Variants in EYA2 observed in about 807,000 individuals in gnomAD.
EYA2 encodes EYA transcriptional coactivator and phosphatase 2.
Under a neutral mutation model 69.2 loss-of-function variants are expected in EYA2, and 31 were observed. The ratio of observed to expected loss-of-function variants is 0.45; its 90% CI spans 0.34 to 0.60. EYA2 has a LOEUF of 0.60. EYA2 is among the 20% of genes least tolerant of loss of function. EYA2 has a pLI of 0.02. For synonymous variants in EYA2, 257 were observed against 279.4 expected, an observed-to-expected ratio of 0.92 and a Z score of 0.80; for missense variants, 622 against 701.2, an observed-to-expected ratio of 0.89 and a Z score of 1.28.
At chr20:47,166,748 T>A (rs1568821580) in intron 10 of EYA2, among the ~76,000 whole-genome samples, 2 of 152,078 alleles carry the variant, frequency 1.3e-5, no homozygotes, top group Admixed American at 6.6e-5. Flanking sequence ...ATCTCGCTTC[T>A]CCTCACCTCA....
At chr20:47,137,455 T>C (rs2033502612) in intron 9 of EYA2, among the ~76,000 whole-genome samples, 2 of 152,100 alleles carry the variant, frequency 1.3e-5, no homozygotes, top group East Asian at 1.9e-4. Flanking sequence ...CAATGTTAGG[T>C]CTTAGAGGGA....
At chr20:47,022,479 A>G (rs1376135461) in intron 5 of EYA2, among the ~76,000 whole-genome samples, 1 of 151,626 alleles carries the variant, frequency 6.6e-6, no homozygotes, top group Non-Finnish European at 1.5e-5. Flanking sequence ...ACACCTGGCT[A>G]ATTTTTGTAT....
chr20:47,112,914 C>T (rs59126762), intron 9 of EYA2, among the ~76,000 whole-genome samples: 2,366 of 109,652 alleles, frequency 0.022, 85 homozygotes, highest in African/African-American at 0.064. Flanking sequence ...TTCTGTCACC[C>T]GGGCTGGAGT....
intron 1 of EYA2, among the ~76,000 whole-genome samples, chr20:46,914,395 C>T (rs1298497604): frequency 1.3e-5 from 2 of 152,152 alleles, no homozygotes; most frequent in Non-Finnish European, 2.9e-5. Context: ...GTGTATTACT[C>T]CATTCTCACA....
chr20:47,121,517 A>T (rs1316323356), intron 9 of EYA2, among the ~76,000 whole-genome samples: 1 of 152,220 alleles, frequency 6.6e-6, no homozygotes, highest in Admixed American at 6.5e-5. Flanking sequence ...AAAAAACAAA[A>T]TTGAAGTATC....
intron 5 of EYA2, among the ~76,000 whole-genome samples, chr20:47,035,836 C>T (rs1342620411): frequency 1.3e-5 from 2 of 151,150 alleles, no homozygotes; most frequent in African/African-American, 2.4e-5. Flanking sequence ...GGCAAAACCC[C>T]GTCTCTGAAA....
chr20:46,905,847 T>A (rs2146216340), intron 1 of EYA2, among the ~76,000 whole-genome samples: 1 of 152,308 alleles, frequency 6.6e-6, no homozygotes, highest in East Asian at 1.9e-4. Context: ...AGTGGAATAC[T>A]TAGGGTACTG....
intron 5 of EYA2, among the ~76,000 whole-genome samples, chr20:47,044,776 T>A (rs924179348): frequency 1.3e-5 from 2 of 152,144 alleles, no homozygotes; most frequent in African/African-American, 4.8e-5. Flanking sequence ...GAAATTTGAG[T>A]CACAGGGAGG....
At chr20:46,945,180 T>G (rs1429536799) in intron 1 of EYA2, among the ~76,000 whole-genome samples, 1 of 152,140 alleles carries the variant, frequency 6.6e-6, no homozygotes, top group African/African-American at 2.4e-5. Flanking sequence ...AGCCTTAGCC[T>G]CGCTGGACCT....
At chr20:47,010,112 A>AT (rs1452371520) in intron 4 of EYA2, among the ~76,000 whole-genome samples, 2 of 152,136 alleles carry the variant, frequency 1.3e-5, no homozygotes, top group Non-Finnish European at 1.5e-5. Context: ...ATCTTTGTGC[A>AT]TTTCTCAGGG....
rs527937149 is a variant in EYA2, at chr20:47,114,864, C to G, written c.888+17696C>G. 9.8e-5 allele frequency among the ~76,000 whole-genome samples: 15 copies of G among 152,334 alleles called. No individual in the cohort carries two copies. The East Asian group carries it at 2.9e-3, about 29-fold the overall frequency. The stretch of plus-strand genomic sequence containing the variant: ...GTGGCACTTCTCCGCCACTCTCCCC[C>G]TCTTGCTCCTGCTTTTGCCAGGTGA... On this transcript the variant is annotated intron_variant, in intron 9 of 15. Transcript: ENST00000327619.
At chr20:47,145,203 T>G (rs2033675427) in intron 10 of EYA2, among the ~76,000 whole-genome samples, 1 of 149,406 alleles carries the variant, frequency 6.7e-6, no homozygotes, top group Non-Finnish European at 1.5e-5. Flanking sequence ...TGAGAACAAG[T>G]GATGGGGATG....
intron 14 of EYA2, among the ~76,000 whole-genome samples, chr20:47,181,442 A>G (rs1022079638): frequency 6.6e-6 from 1 of 152,222 alleles, no homozygotes. Flanking sequence ...GGCTATGTAC[A>G]TTACATTCTA....
At chr20:47,181,364 G>A (rs2034534490) in intron 14 of EYA2, among the ~76,000 whole-genome samples, 1 of 152,148 alleles carries the variant, frequency 6.6e-6, no homozygotes, top group African/African-American at 2.4e-5. Context: ...TCTCATGTAT[G>A]GGGTCAAATC....
chr20:47,151,328 A>G (rs1017850407), intron 10 of EYA2, among the ~76,000 whole-genome samples: 7 of 150,982 alleles, frequency 4.6e-5, no homozygotes, highest in African/African-American at 1.5e-4. Context: ...GCAAGATCAC[A>G]CCTCTGCACT....
chr20:46,979,831 AG>A, intron 1 of EYA2: 1 of 152,198 alleles, frequency 6.6e-6, no homozygotes, highest in Non-Finnish European at 1.5e-5. Flanking sequence ...AAATAATCTC[AG>A]CTGCCCTTTG....
At chr20:47,017,402 A>G (rs1445530420) in intron 5 of EYA2, among the ~76,000 whole-genome samples, 1 of 152,148 alleles carries the variant, frequency 6.6e-6, no homozygotes, top group Non-Finnish European at 1.5e-5. Flanking sequence ...AGTATCTAGG[A>G]CCACAGCTGT....
intron 1 of EYA2, among the ~76,000 whole-genome samples, chr20:46,944,210 GCAGGTCCTGTTTTGGCCAAC>G (rs1978332280): frequency 6.6e-6 from 1 of 152,174 alleles, no homozygotes; most frequent in African/African-American, 2.4e-5. Flanking sequence ...TTTTGGCCAA[GCAGGTCCTGTTTTGGCCAAC>G]CAGTGCTCCC....
chr20:47,037,216 C>T (rs942307077), intron 5 of EYA2, among the ~76,000 whole-genome samples: 2 of 152,148 alleles, frequency 1.3e-5, no homozygotes, highest in Admixed American at 1.3e-4. Context: ...ATTACCTCCT[C>T]CAAGTCTCTC....
Sources: allele counts gnomAD v4.1 joint callset (sites outside exome capture counted in the v4.1 genomes callset), GRCh38; gene constraint gnomAD v4.1.1; transcripts MANE v1.5; gene names NCBI Gene and HGNC (gene_info 2026-07-23, HGNC 2026-07-21).